The following EEF1D variants were observed in gnomAD, a reference collection of about 807,000 sequenced individuals.
EEF1D encodes elongation factor 1-delta.
In EEF1D, 47 loss-of-function variants were observed where a neutral mutation model predicts 63.9. The ratio of observed to expected loss-of-function variants is 0.74; its 90% confidence interval spans 0.58 to 0.94. EEF1D has a LOEUF of 0.94. Among genes scored for constraint, EEF1D ranks in the 40% least tolerant of loss-of-function variants. The pLI is 0.00. For synonymous variants in EEF1D, 412 were observed against 386.1 expected (o/e 1.07, Z -0.79); for missense variants, 907 against 899.0 (o/e 1.01, Z -0.11).
chr8:143,592,771 G>T, intron 1 of EEF1D, 111 bp from the exon 2 acceptor site: 1 of 900,446 alleles, frequency 1.1e-6, no homozygotes, highest in Non-Finnish European at 1.3e-6. Flanking sequence ...TCCAGAAGCT[G>T]CTTGGCGAGG....
chr8:143,584,775 T>G (rs978473638), intron 5 of EEF1D, among the ~76,000 whole-genome samples: 1 of 152,188 alleles, frequency 6.6e-6, no homozygotes, highest in Middle Eastern at 3.4e-3. Context: ...GGGGGGACCA[T>G]GGGCCACACA....
chr8:143,595,756 G>A (rs1439646431), intron 1 of EEF1D, among the ~76,000 whole-genome samples: 4 of 150,442 alleles, frequency 2.7e-5, no homozygotes, highest in Non-Finnish European at 4.4e-5. Flanking sequence ...CGACCTGCCT[G>A]CCCGGCGCAG....
At position 143,589,893 on chromosome 8, in the gene EEF1D, C is replaced by T. The variant is rs372434997; in HGVS notation, c.189G>A (p.Ala63=). 75 of 1,598,402 alleles carry T rather than the reference C, an allele frequency of 4.7e-5. No homozygotes were observed. Among genetic ancestry groups the T allele is most frequent in the Admixed American group, 6.7e-5 (4 of 59,576 alleles). The change falls in exon 3 of 10, where the codon GCG becomes GCA. Residue 63 remains alanine (A), a synonymous_variant. Transcript: ENST00000618139. ...GCCTGCTGCCGCCGTCAGGGGCTTC[C>T]GCCTCATCAGCGTCCTCAGGGTCGT... ...GQDDPEDADE[A]EAPDGGSRRD...
At chr8:143,586,352 A>C in intron 4 of EEF1D, 62 bp from the exon 5 acceptor site, 2 of 1,421,984 alleles carry the variant, frequency 1.4e-6, no homozygotes, top group Non-Finnish European at 1.9e-6. Context: ...TTAATTAAAA[A>C]ACAAACCAAA....
At position 143,580,579 on chromosome 8, in the gene EEF1D, C is replaced by T. The variant is rs200146410; in HGVS notation, c.1637G>A (p.Arg546Gln). ...EAAQLREERLRQYAEKKAKKP... is the reference protein window; with the variant it reads ...EAAQLREERLQQYAEKKAKKP... ...CTTGGCCTTCTTCTCCGCGTACTGC[C>T]GTAGCCGCTCCTCCCGCAGCTGTGC... is the stretch of plus-strand genomic sequence containing the variant. Residue 546 changes from arginine to glutamine, a missense_variant, in exon 8 of 10, where the codon CGG becomes CAG. Coordinates refer to ENST00000618139, the MANE Select transcript of EEF1D (RefSeq NM_001130053.5). 1.6e-5 allele frequency: 26 copies of T among 1,613,382 alleles called. No homozygotes were observed. Among genetic ancestry groups the T allele is most frequent in the East Asian group, 2.2e-5 (1 of 44,896 alleles).
chr8:143,597,186 A>G (rs559597445), intron 1 of EEF1D, 162 bp downstream of exon 1: 2 of 151,930 alleles, frequency 1.3e-5, no homozygotes, highest in South Asian at 4.1e-4. Flanking sequence ...CGCTCGCCCC[A>G]AGTGCCGCAC....
At position 143,580,804 on chromosome 8, in the gene EEF1D, C is replaced by T. The variant is rs778821708; in HGVS notation, c.1489-77G>A. On this transcript the variant is annotated intron_variant, in intron 7 of 9. Transcript: ENST00000618139. Reference sequence around the variant, plus strand: ...CCAGAGCTGCCTGGCCACCTCCTGGCCCTCCTCCCTCCTTTGACTGGAGGA... The same window carrying T: ...CCAGAGCTGCCTGGCCACCTCCTGGTCCTCCTCCCTCCTTTGACTGGAGGA... 372 of 1,507,036 alleles carry T rather than the reference C, an allele frequency of 2.5e-4. 1 individual carries two copies. In the Middle Eastern group the frequency reaches 2.9e-3, roughly 12 times the overall value. 93.4% of individuals were successfully genotyped at this position (1,507,036 alleles called of 1,614,324 possible).
chr8:143,586,786 G>A lies in EEF1D; in HGVS notation c.1158C>T (p.Asp386=), dbSNP rs11548165. ...TCTGCTCGTAGAATCTCCTTTCTGCGTCGTCATATTTGAACTTGTCGAACC... is the reference window on the plus strand; with the variant it reads ...TCTGCTCGTAGAATCTCCTTTCTGCATCGTCATATTTGAACTTGTCGAACC... ...KIWFDKFKYD[D]AERRFYEQMN... The change falls in exon 4 of 10, where the codon GAC becomes GAT. Residue 386 remains aspartate (D), a synonymous_variant. Coordinates refer to ENST00000618139, the MANE Select transcript of EEF1D (RefSeq NM_001130053.5). The A allele has an allele frequency of 6.8e-6, 11 of 1,614,084 alleles. No homozygotes were observed. Among genetic ancestry groups the A allele is most frequent in the Admixed American group, 5.0e-5 (3 of 60,010 alleles).
intron 1 of EEF1D, chr8:143,596,639 TAC>T (rs1322462522): frequency 5.9e-5 from 9 of 152,294 alleles, no homozygotes; most frequent in African/African-American, 2.2e-4. Context: ...CAAGTTTAGC[TAC>T]ACAGTTCTTC....
rs369086189 is a variant in EEF1D at position 143,589,699 on chromosome 8, T to A, written c.383A>T (p.Lys128Met). 6.6e-7 allele frequency: 1 copy of A among 1,526,260 alleles called. No individual in the cohort carries two copies. The highest frequency in any genetic ancestry group is 1.4e-5 in the African/African-American group (1 of 71,916). 94.5% of individuals were successfully genotyped at this position (1,526,260 alleles called of 1,614,324 possible). Residue 128 changes from lysine to methionine, a missense_variant, in exon 3 of 10, where the codon AAG (lysine) becomes ATG (methionine). Coordinates refer to ENST00000618139, the MANE Select transcript of EEF1D (RefSeq NM_001130053.5). The part of the protein sequence containing the change: ...FDQAESSYRQ[K>M]LADVAAQAAW... ...TGCCTGGGCAGCCACATCTGCCAGC[T>A]TCTGGCGGTAGGAGCTCTCTGCCTG...
At position 143,585,993 on chromosome 8, in the gene EEF1D, C is replaced by T. The variant is rs545239873; in HGVS notation, c.1287+226G>A. 185 of 466,560 alleles carry T rather than the reference C, an allele frequency of 4.0e-4. 5 individuals are homozygous for T. In the Admixed American group the frequency reaches 6.6e-3, roughly 17 times the overall value. 28.9% of individuals were successfully genotyped at this position (466,560 alleles called of 1,614,324 possible). On this transcript the variant is annotated intron_variant, in intron 5 of 9. Transcript: ENST00000618139. ...GCCCCACAGGAGCGGCCAGTGTGAC[C>T]GCCAGCCGGCAGACGAGGTAAGCAC...
chr8:143,580,653 A>G lies in EEF1D; in HGVS notation c.1563T>C (p.Asp521=), dbSNP rs926207023. The change falls in exon 8 of 10, where the codon GAT becomes GAC. Residue 521 remains aspartate, a synonymous_variant. Coordinates refer to ENST00000618139, the MANE Select transcript of EEF1D (RefSeq NM_001130053.5). ...TGTCACTGCCAAACAGGTCAATGTC[A>G]TCATCCTCGTCATCCTCTGCTGGTG... The part of the protein sequence containing the change: ...PATPAEDDED[D]DIDLFGSDNE... 1.9e-6 allele frequency: 3 copies of G among 1,613,812 alleles called. No homozygotes were observed. The African/African-American group carries it at 4.0e-5, about 22-fold the overall frequency.
At position 143,580,209 on chromosome 8, in the gene EEF1D, G is replaced by A; in HGVS notation, c.1711-3C>T. On this transcript the variant is annotated splice_region_variant and splice_polypyrimidine_tract_variant and intron_variant, in intron 8 of 9. Coordinates refer to ENST00000618139, the MANE Select transcript of EEF1D (RefSeq NM_001130053.5). ...GCCATGTCCGTCTCATCATCCCACT[G>A]TGGGGAAAGGGGAGGAAAAGCTGGG... 1 of 1,611,512 alleles carries A rather than the reference G, an allele frequency of 6.2e-7. No homozygotes were observed.
intron 5 of EEF1D, chr8:143,585,970 C>T (rs1826504416): frequency 4.3e-6 from 2 of 466,094 alleles, no homozygotes; most frequent in South Asian, 4.4e-5. Context: ...CCCAGCCGGC[C>T]CCACAGGAGC....
chr8:143,586,523 C>T (rs562757409), intron 4 of EEF1D, among the ~76,000 whole-genome samples: 1 of 152,312 alleles, frequency 6.6e-6, no homozygotes, highest in South Asian at 2.1e-4. Context: ...ACCAAGTGCA[C>T]AGGCGCCGGC....
At chr8:143,584,744 G>C (rs1450846731) in intron 5 of EEF1D, among the ~76,000 whole-genome samples, 2 of 152,092 alleles carry the variant, frequency 1.3e-5, no homozygotes, top group African/African-American at 2.4e-5. Flanking sequence ...GTAGGAATAG[G>C]GATGTTAAAA....
chr8:143,580,929 A>T (rs1336577249), intron 7 of EEF1D, 125 bp downstream of exon 7: 15 of 1,215,130 alleles, frequency 1.2e-5, no homozygotes, highest in African/African-American at 3.0e-5. Flanking sequence ...CTTCCTGGGG[A>T]CCTGAGGACT....
chr8:143,588,747 G>C (rs574587634), intron 3 of EEF1D: 4 of 578,158 alleles, frequency 6.9e-6, no homozygotes, highest in East Asian at 6.2e-5. Context: ...CCTGTGCTGA[G>C]CCCTTCCCTG....
At chr8:143,585,585 C>T (rs3793366) in intron 5 of EEF1D, among the ~76,000 whole-genome samples, 120,740 of 152,050 alleles carry the variant, frequency 0.79, 49,907 homozygotes, top group Non-Finnish European at 0.92. Flanking sequence ...AGGACACCAC[C>T]CCGTCCCGGG....
Sources: gnomAD v4.1 joint callset for allele counts (sites outside exome capture counted in the v4.1 genomes callset) on GRCh38, gnomAD v4.1.1 for gene constraint, MANE v1.5 for transcripts, NCBI Gene and HGNC (gene_info 2026-07-23, HGNC 2026-07-21) for gene names.